The following TMEM185A variants were observed in gnomAD, a reference collection of about 807,000 sequenced individuals.
The protein encoded by TMEM185A is family with sequence similarity 11, member A.
Under a neutral mutation model 25.0 loss-of-function variants are expected in TMEM185A, and 9 were observed. That is an observed-to-expected ratio of 0.36 (90% CI 0.22 to 0.63). The LOEUF is 0.63. Among genes scored for constraint, TMEM185A ranks in the 20% least tolerant of loss-of-function variants. The pLI is 0.68. For missense variants in TMEM185A, 103 were observed against 237.4 expected, an observed-to-expected ratio of 0.43 and a Z score of 3.72; for synonymous variants, 45 against 93.5, an observed-to-expected ratio of 0.48 and a Z score of 2.99.
intron 1 of TMEM185A, among the ~76,000 whole-genome samples, chrX:149,628,040 A>G (rs782089309): frequency 1.8e-5 from 2 of 112,082 alleles, no homozygotes; most frequent in East Asian, 5.6e-4. Flanking sequence ...TGATCTCATC[A>G]GTACCCCATG....
intron 1 of TMEM185A, among the ~76,000 whole-genome samples, chrX:149,619,490 C>CT (rs782400155): frequency 7.7e-4 from 83 of 108,491 alleles, no homozygotes; most frequent in African/African-American, 2.1e-3. Context: ...GTATTTTTGT[C>CT]TTTTTTTTTC....
At chrX:149,598,776 G>A (rs2090004612) in intron 6 of TMEM185A, among the ~76,000 whole-genome samples, 3 of 82,164 alleles carry the variant, frequency 3.7e-5, no homozygotes, top group Non-Finnish European at 6.4e-5. Flanking sequence ...TGCACGGGTT[G>A]GCCAGGAGGG....
intron 3 of TMEM185A, chrX:149,608,348 T>TTTA: frequency 5.0e-6 from 1 of 201,664 alleles, no homozygotes; most frequent in Non-Finnish European, 8.9e-6. Flanking sequence ...TTTTTTTTTT[T>TTTA]AAGACGGAGT....
At position 149,611,112 on chromosome X, in the gene TMEM185A, T is replaced by C. The variant is rs782429070; in HGVS notation, c.215+175A>G. On this transcript the variant is annotated intron_variant, in intron 2 of 6. Coordinates refer to ENST00000600449, the MANE Select transcript of TMEM185A (RefSeq NM_032508.4). ...AAATGGCACTGCTTTTGTAAGAAAA[T>C]ACATACCAAAGACTAAATTTTCAAA... is the stretch of plus-strand genomic sequence containing the variant. Among the ~76,000 whole-genome samples, 20 of 111,739 alleles carry C rather than the reference T, an allele frequency of 1.8e-4. No homozygotes were observed. The South Asian group carries it at 7.2e-3, about 40-fold the overall frequency.
At chrX:149,605,588 T>TTTCTATGGCCTCCCA (rs2090046887) in intron 3 of TMEM185A, among the ~76,000 whole-genome samples, 1 of 111,625 alleles carries the variant, frequency 9.0e-6, no homozygotes, top group African/African-American at 3.3e-5. Flanking sequence ...CCCATGTCAC[T>TTTCTATGGCCTCCCA]TGGAGGCACA....
intron 1 of TMEM185A, 87 bp from the exon 2 acceptor site, chrX:149,611,550 A>G (rs1557354510): frequency 1.2e-6 from 1 of 850,264 alleles, no homozygotes; most frequent in Non-Finnish European, 1.7e-6. Flanking sequence ...CACATTTGTC[A>G]GCATGTAAAA....
intron 1 of TMEM185A, among the ~76,000 whole-genome samples, chrX:149,624,712 G>A (rs914175507): frequency 8.9e-6 from 1 of 111,863 alleles, no homozygotes; most frequent in African/African-American, 3.3e-5. Context: ...GTCTTTTAGT[G>A]GAGACTTTAG....
chrX:149,610,728 C>T (rs1214555181), intron 2 of TMEM185A, among the ~76,000 whole-genome samples: 1 of 111,658 alleles, frequency 9.0e-6, no homozygotes, highest in Non-Finnish European at 1.9e-5. Context: ...GAGTTGGAAA[C>T]GGTAAAGGGT....
intron 1 of TMEM185A, among the ~76,000 whole-genome samples, chrX:149,624,745 T>C (rs1196450264): frequency 8.9e-6 from 1 of 111,921 alleles, no homozygotes; most frequent in African/African-American, 3.3e-5. Flanking sequence ...AGATAAAAAA[T>C]GTTTAAGAGC....
At chrX:149,623,044 C>G (rs1410150833) in intron 1 of TMEM185A, among the ~76,000 whole-genome samples, 1 of 111,978 alleles carries the variant, frequency 8.9e-6, no homozygotes, top group African/African-American at 3.2e-5. Context: ...TTCAATTCCA[C>G]TCTTTTAGTT....
intron 1 of TMEM185A, among the ~76,000 whole-genome samples, chrX:149,619,163 T>C (rs2090126119): frequency 8.9e-6 from 1 of 112,142 alleles, no homozygotes; most frequent in Non-Finnish European, 1.9e-5. Context: ...CCCAGCATTA[T>C]TGTATAATGC....
chrX:149,631,717 CTGCCGTCGCCGT>C lies in TMEM185A; in HGVS notation c.-149_-138del, dbSNP rs2124248646. On this transcript the variant is annotated 5_prime_UTR_variant, in exon 1 of 7. Transcript: ENST00000600449. ...GCTCCCGCTACTGCTGCCGTCCCCG[CTGCCGTCGCCGT>C]CGCCGTCGCCGCCGCCGCCGCCGCC... 4.5e-5 allele frequency: 28 copies of C among 622,074 alleles called. No homozygotes were observed. In the East Asian group the frequency reaches 7.8e-4, roughly 17 times the overall value. 51.3% of individuals were successfully genotyped at this position (622,074 alleles called of 1,213,427 possible).
chrX:149,621,869 A>G, intron 1 of TMEM185A, among the ~76,000 whole-genome samples: 1 of 112,128 alleles, frequency 8.9e-6, no homozygotes, highest in East Asian at 2.8e-4. Context: ...CATTGGGCTC[A>G]GCCAGAGAAT....
intron 2 of TMEM185A, among the ~76,000 whole-genome samples, chrX:149,610,835 C>G (rs1432520404): frequency 9.1e-6 from 1 of 110,216 alleles, no homozygotes; most frequent in Non-Finnish European, 1.9e-5. Flanking sequence ...GACTCATGGT[C>G]TCCTGGTCAA....
At chrX:149,604,117 T>G (rs2124200924) in intron 3 of TMEM185A, 47 bp from the exon 4 acceptor site, 1 of 910,045 alleles carries the variant, frequency 1.1e-6, no homozygotes, top group East Asian at 3.1e-5. Context: ...AATTTGCATT[T>G]AATACTGCAG....
At position 149,631,762 on chromosome X, in the gene TMEM185A, C is replaced by T. The variant is rs1395657608; in HGVS notation, c.-182G>A. 50 of 59,330 alleles carry T rather than the reference C, an allele frequency of 8.4e-4. No individual in the cohort carries two copies. Among genetic ancestry groups the T allele is most frequent in the Middle Eastern group, 5.7e-3 (1 of 175 alleles). The allele number at this position is 59,330 out of a possible 1,213,427, so 4.9% of individuals were successfully genotyped here. A position where few individuals can be genotyped will look rare whatever the true frequency, so the allele number is the denominator to read the frequency against. ...GCCGCCGCCGCCGCCGCCGCCGCCG[C>T]CGCCGCCGCCGCCGCCGCCCGGAGA... On this transcript the variant is annotated 5_prime_UTR_variant, in exon 1 of 7. Coordinates refer to ENST00000600449, the MANE Select transcript of TMEM185A (RefSeq NM_032508.4).
intron 3 of TMEM185A, chrX:149,608,355 G>T (rs782597423): frequency 9.7e-5 from 20 of 206,867 alleles, no homozygotes; most frequent in African/African-American, 6.1e-4. Context: ...TTTTAAGACG[G>T]AGTTTCATTC....
In TMEM185A at chrX:149,605,418, T is replaced by TCTATAGCCTCCCATGTCA. The variant is rs2124203967; in HGVS notation, c.424-1349_424-1348insTGACATGGGAGGCTATAG. Among the ~76,000 whole-genome samples, 3 of 99,174 alleles carry TCTATAGCCTCCCATGTCA rather than the reference T, an allele frequency of 3.0e-5. No individual in the cohort carries two copies. In the South Asian group the frequency reaches 1.5e-3, roughly 50 times the overall value. 86.1% of individuals were successfully genotyped at this position (99,174 alleles called of 115,157 possible). A position where few individuals can be genotyped will look rare whatever the true frequency, so the allele number is the denominator to read the frequency against. ...CTTTCTATAGCCTCCCATGTCACTTTCTATGGCCTCCCATGTCACTATGGC... is the reference window on the plus strand; with the variant it reads ...CTTTCTATAGCCTCCCATGTCACTTTCTATAGCCTCCCATGTCACTATGGCCTCCCATGTCACTATGGC... On this transcript the variant is annotated intron_variant, in intron 3 of 6. Coordinates refer to ENST00000600449, the MANE Select transcript of TMEM185A (RefSeq NM_032508.4).
At chrX:149,620,731 G>T (rs1252510381) in intron 1 of TMEM185A, among the ~76,000 whole-genome samples, 1 of 112,329 alleles carries the variant, frequency 8.9e-6, no homozygotes, top group Non-Finnish European at 1.9e-5. Context: ...GTGGGAAACA[G>T]TCTGATAACC....
Sources: allele counts gnomAD v4.1 joint callset (sites outside exome capture counted in the v4.1 genomes callset), GRCh38; gene constraint gnomAD v4.1.1; transcripts MANE v1.5; gene names NCBI Gene and HGNC (gene_info 2026-07-23, HGNC 2026-07-21).